AUTS2: variants seen among roughly 807,000 people sequenced by gnomAD.
The protein encoded by AUTS2 is activator of transcription and developmental regulator AUTS2, also known as autism susceptibility gene 2 protein.
AUTS2 carries 17 observed loss-of-function variants against 112.4 expected under a neutral mutation model. That is an observed-to-expected ratio of 0.15 (90% CI 0.10 to 0.23). AUTS2 has a LOEUF of 0.23. Among genes scored for constraint, AUTS2 ranks in the 10% least tolerant of loss-of-function variants. The pLI is 1.00. For synonymous variants in AUTS2, 751 were observed against 702.7 expected (o/e 1.07, Z -1.09); for missense variants, 1,510 against 1,701.6 (o/e 0.89, Z 1.98).
intron 2 of AUTS2, among the ~76,000 whole-genome samples, chr7:70,110,143 C>T (rs1051343830): frequency 1.3e-5 from 2 of 152,176 alleles, no homozygotes; most frequent in Non-Finnish European, 2.9e-5. Flanking sequence ...TCGGTCAGTT[C>T]GCTCTTGATT....
intron 4 of AUTS2, among the ~76,000 whole-genome samples, chr7:70,205,732 A>G (rs1274400736): frequency 1.3e-5 from 2 of 152,192 alleles, no homozygotes; most frequent in Admixed American, 1.3e-4. Context: ...ACGTATGCCC[A>G]TTGTTAAGCA....
intron 4 of AUTS2, among the ~76,000 whole-genome samples, chr7:70,233,829 A>C (rs1812181687): frequency 6.6e-6 from 1 of 152,206 alleles, no homozygotes; most frequent in Non-Finnish European, 1.5e-5. Context: ...GAAGGCTTGA[A>C]ATAAATCGGG....
At chr7:69,627,686 G>A (rs1284736514) in intron 1 of AUTS2, among the ~76,000 whole-genome samples, 1 of 152,110 alleles carries the variant, frequency 6.6e-6, no homozygotes, top group African/African-American at 2.4e-5. Context: ...GCATGGTTAT[G>A]AAGATGAATC....
At chr7:70,435,377 A>G (rs1474042193) in intron 4 of AUTS2, among the ~76,000 whole-genome samples, 1 of 152,228 alleles carries the variant, frequency 6.6e-6, no homozygotes, top group East Asian at 1.9e-4. Context: ...TCTGAATTTC[A>G]TTGAACAATC....
chr7:70,302,402 C>CA (rs914230968), intron 4 of AUTS2, among the ~76,000 whole-genome samples: 77 of 127,372 alleles, frequency 6.0e-4, no homozygotes, highest in Admixed American at 1.3e-3. Flanking sequence ...GACCTTGTCT[C>CA]AAAAAAAAAA....
At chr7:70,511,590 T>TTTTTA (rs1585236643) in intron 5 of AUTS2, among the ~76,000 whole-genome samples, 1 of 123,340 alleles carries the variant, frequency 8.1e-6, no homozygotes, top group Non-Finnish European at 1.7e-5. Context: ...TTTTTTTTTT[T>TTTTTA]ATTGAGACAG....
intron 2 of AUTS2, among the ~76,000 whole-genome samples, chr7:69,902,741 T>G (rs1795015584): frequency 6.6e-6 from 1 of 152,216 alleles, no homozygotes; most frequent in South Asian, 2.1e-4. Context: ...AAAACCAAAC[T>G]GCTTATTCTT....
intron 1 of AUTS2, among the ~76,000 whole-genome samples, chr7:69,608,264 G>C (rs1308106798): frequency 1.8e-4 from 28 of 152,228 alleles, no homozygotes; most frequent in Non-Finnish European, 8.8e-5. Context: ...CTGTGGCTAA[G>C]TTCTAAACCT....
chr7:69,917,277 C>A (rs1302929714), intron 2 of AUTS2, among the ~76,000 whole-genome samples: 3 of 147,094 alleles, frequency 2.0e-5, no homozygotes, highest in African/African-American at 7.7e-5. Context: ...TCAGAGCATT[C>A]CCTTTTTTTT....
In AUTS2 at chr7:70,536,572, CTTTTTTTTT is replaced by C. The variant is rs34639179; in HGVS notation, c.690+100809_690+100817del. ...TCTGCTGATATGCTAGAAGCCAAGG[CTTTTTTTTT>C]TTTTTTTTTTTTTTTTTCAGTAGAA... On this transcript the variant is annotated intron_variant, in intron 5 of 18. Coordinates refer to ENST00000342771, the MANE Select transcript of AUTS2 (RefSeq NM_015570.4). Among the ~76,000 whole-genome samples, 5 of 49,048 alleles carry C rather than the reference CTTTTTTTTT, an allele frequency of 1.0e-4. 1 individual carries two copies. Among genetic ancestry groups the C allele is most frequent in the African/African-American group, 3.5e-4 (4 of 11,438 alleles). 32.2% of individuals were successfully genotyped at this position (49,048 alleles called of 152,430 possible). A position where few individuals can be genotyped will look rare whatever the true frequency, so the allele number is the denominator to read the frequency against.
intron 4 of AUTS2, among the ~76,000 whole-genome samples, chr7:70,400,717 C>T (rs773810448): frequency 3.9e-5 from 6 of 152,120 alleles, no homozygotes; most frequent in Admixed American, 6.5e-5. Flanking sequence ...TTTAAGGGAA[C>T]GCCATGGTGA....
At chr7:70,229,415 C>A (rs1394924138) in intron 4 of AUTS2, among the ~76,000 whole-genome samples, 1 of 152,074 alleles carries the variant, frequency 6.6e-6, no homozygotes, top group African/African-American at 2.4e-5. Flanking sequence ...TCCATTATTT[C>A]TGATTGGAAG....
chr7:70,182,590 A>G (rs550934716), intron 4 of AUTS2, among the ~76,000 whole-genome samples: 21 of 152,266 alleles, frequency 1.4e-4, no homozygotes, highest in African/African-American at 5.1e-4. Context: ...AAACTCTTTA[A>G]TGGTCCTAAT....
chr7:70,673,549 A>AT (rs903687262), intron 5 of AUTS2, among the ~76,000 whole-genome samples: 1 of 151,466 alleles, frequency 6.6e-6, no homozygotes, highest in African/African-American at 2.4e-5. Flanking sequence ...ATTTTATTTT[A>AT]TTTTTTAGTA....
At chr7:70,370,832 CTTG>C (rs1416050280) in intron 4 of AUTS2, among the ~76,000 whole-genome samples, 3 of 152,012 alleles carry the variant, frequency 2.0e-5, no homozygotes, top group South Asian at 2.1e-4. Flanking sequence ...CTTGCTAACA[CTTG>C]TTGTCTTTTT....
chr7:70,684,861 G>A (rs1808391607), intron 5 of AUTS2, among the ~76,000 whole-genome samples: 1 of 152,130 alleles, frequency 6.6e-6, no homozygotes, highest in Non-Finnish European at 1.5e-5. Context: ...TCACAAGATT[G>A]ATGTAAGAGC....
chr7:69,962,548 A>G (rs1797473477), intron 2 of AUTS2, among the ~76,000 whole-genome samples: 1 of 152,140 alleles, frequency 6.6e-6, no homozygotes, highest in African/African-American at 2.4e-5. Flanking sequence ...TGTACTTTGC[A>G]TTGCAGTTGA....
At chr7:70,003,629 TATAA>T (rs1476778244) in intron 2 of AUTS2, among the ~76,000 whole-genome samples, 20 of 121,322 alleles carry the variant, frequency 1.6e-4, no homozygotes, top group African/African-American at 6.7e-4. Flanking sequence ...TATGAGTATC[TATAA>T]TATATATGAA....
chr7:70,608,302 A>G (rs1803889716), intron 5 of AUTS2, among the ~76,000 whole-genome samples: 1 of 151,972 alleles, frequency 6.6e-6, no homozygotes, highest in Non-Finnish European at 1.5e-5. Context: ...ATGGGGTCTC[A>G]CTATGTTGCC....
Sources: gnomAD v4.1 joint callset for allele counts (sites outside exome capture counted in the v4.1 genomes callset) on GRCh38, gnomAD v4.1.1 for gene constraint, MANE v1.5 for transcripts, NCBI Gene and HGNC (gene_info 2026-07-23, HGNC 2026-07-21) for gene names.